UBP1: variants seen among roughly 807,000 people sequenced by gnomAD.
The protein encoded by UBP1 is upstream-binding protein 1.
A neutral mutation model predicts 76.1 loss-of-function variants in UBP1; 22 were observed. The ratio of observed to expected loss-of-function variants is 0.29; its 90% CI spans 0.21 to 0.41. The LOEUF (loss-of-function observed/expected upper bound fraction) is 0.41. UBP1 is among the 10% of genes least tolerant of loss of function. The pLI is 1.00. For missense variants in UBP1, 436 were observed against 668.1 expected (o/e 0.65, Z 3.83); for synonymous variants, 224 against 237.1 (o/e 0.94, Z 0.51).
At chr3:33,422,358 T>C (rs748980435) in intron 2 of UBP1, among the ~76,000 whole-genome samples, 1 of 151,502 alleles carries the variant, frequency 6.6e-6, no homozygotes, top group Non-Finnish European at 1.5e-5. Flanking sequence ...CTGGGCAACA[T>C]AGCAAGATCC....
intron 1 of UBP1, among the ~76,000 whole-genome samples, chr3:33,436,500 TAACA>T (rs1398542224): frequency 1.3e-5 from 2 of 152,242 alleles, no homozygotes; most frequent in South Asian, 2.1e-4. Context: ...CAGCGAAGTT[TAACA>T]AACAGGGCTC....
chr3:33,392,373 G>C (rs2043803690), intron 15 of UBP1, 190 bp downstream of exon 15: 1 of 521,940 alleles, frequency 1.9e-6, no homozygotes, highest in Admixed American at 4.0e-5. Context: ...CAGTCATCTA[G>C]AAAGACTGAC....
chr3:33,425,749 G>A lies in UBP1; in HGVS notation c.114-8C>T. 2 of 1,566,464 alleles carry A rather than the reference G, an allele frequency of 1.3e-6. No individual in the cohort carries two copies. The highest frequency in any genetic ancestry group is 1.3e-5 in the African/African-American group (1 of 74,222). On this transcript the variant is annotated splice_polypyrimidine_tract_variant and splice_region_variant and intron_variant, in intron 1 of 15. Transcript: ENST00000283629. ...GGCAATGCCAAGACATCACTGAAAA[G>A]CAAAAAATCAACACTGACCTTACTT...
rs533736077 is a variant in UBP1 at position 33,439,762 on chromosome 3, T to C, written c.87A>G (p.Glu29=). The C allele has an allele frequency of 1.2e-6, 2 of 1,612,386 alleles. No homozygotes were observed. The highest frequency in any genetic ancestry group is 1.7e-5 in the Admixed American group (1 of 59,946). ...TCATGCTGTAAGCGCCGGCGCCCAGTTCCTGCCCGATGCCCGAGAGGCTGG... is the reference window on the plus strand; with the variant it reads ...TCATGCTGTAAGCGCCGGCGCCCAGCTCCTGCCCGATGCCCGAGAGGCTGG... ...FDASLSGIGQ[E]LGAGAYSMSD... Residue 29 remains glutamate (E), a synonymous_variant, in exon 1 of 16, where the codon GAA becomes GAG. Transcript: ENST00000283629.
chr3:33,418,781 C>A (rs2044799833), intron 2 of UBP1, among the ~76,000 whole-genome samples: 1 of 149,640 alleles, frequency 6.7e-6, no homozygotes, highest in Non-Finnish European at 1.5e-5. Flanking sequence ...ATCGCTTGAA[C>A]CTGGGAGGCG....
chr3:33,397,271 A>G (rs2044037811), intron 11 of UBP1, 136 bp from the exon 12 acceptor site: 3 of 579,034 alleles, frequency 5.2e-6, no homozygotes, highest in Non-Finnish European at 8.6e-6. Flanking sequence ...CATGAACAAT[A>G]TAAGAAGACA....
At chr3:33,400,128 A>G (rs1187726380) in intron 11 of UBP1, 61 bp downstream of exon 11, 218 of 1,152,682 alleles carry the variant, frequency 1.9e-4, no homozygotes, top group Admixed American at 3.0e-5. Context: ...TAAAGTTAAT[A>G]AAAGCACAGA....
intron 2 of UBP1, among the ~76,000 whole-genome samples, chr3:33,420,501 T>TTC: frequency 6.6e-6 from 1 of 150,602 alleles, no homozygotes; most frequent in Admixed American, 6.6e-5. Context: ...TTTTTTTTTT[T>TTC]TTTTTGGAGA....
At chr3:33,416,538 A>G (rs1296583781) in intron 3 of UBP1, among the ~76,000 whole-genome samples, 2 of 152,196 alleles carry the variant, frequency 1.3e-5, no homozygotes, top group Non-Finnish European at 2.9e-5. Flanking sequence ...CATAACTACA[A>G]CTAACTTTTC....
rs575265966 is a variant in UBP1, at chr3:33,392,574, G to C, written c.1574C>G (p.Ser525Cys). 2.5e-6 allele frequency: 4 copies of C among 1,610,818 alleles called. No individual in the cohort carries two copies. The South Asian group carries it at 4.4e-5, about 18-fold the overall frequency. Residue 525 changes from serine to cysteine, a missense_variant, in exon 15 of 16, where the codon TCC becomes TGC. Physicochemically the swap from Ser to Cys is moderately radical, Grantham distance 112. This residue lies in a region of UBP1 where 210 missense variants were observed against 272.8 expected (regional missense o/e 0.77). Coordinates refer to ENST00000283629, the MANE Select transcript of UBP1 (RefSeq NM_014517.5). Reference sequence around the variant, plus strand: ...CACATGCAAAGTACCTTTTACTGTGGAGAATAAAAAACAACTCTCATCTTG... The same window carrying C: ...CACATGCAAAGTACCTTTTACTGTGCAGAATAAAAAACAACTCTCATCTTG... ...NFQDESCFLF[S>C]TVKAESSDGI...
intron 1 of UBP1, among the ~76,000 whole-genome samples, chr3:33,438,392 A>C (rs1431653552): frequency 1.3e-5 from 2 of 152,224 alleles, no homozygotes; most frequent in Non-Finnish European, 2.9e-5. Context: ...GTAGAGAGCT[A>C]AGGAGCAGAA....
At chr3:33,404,884 T>C (rs1022112694) in intron 8 of UBP1, among the ~76,000 whole-genome samples, 2 of 152,216 alleles carry the variant, frequency 1.3e-5, no homozygotes, top group African/African-American at 4.8e-5. Context: ...ATTGCTCATA[T>C]GTATAAAATT....
intron 1 of UBP1, among the ~76,000 whole-genome samples, chr3:33,431,733 C>G (rs190987616): frequency 6.9e-6 from 1 of 144,762 alleles, no homozygotes; most frequent in Non-Finnish European, 1.5e-5. Context: ...GAGTGAGACT[C>G]CGTCTCAAAG....
intron 1 of UBP1, among the ~76,000 whole-genome samples, chr3:33,434,055 T>C (rs1407516290): frequency 1.3e-5 from 2 of 152,148 alleles, no homozygotes; most frequent in African/African-American, 4.8e-5. Context: ...AATGCCACTA[T>C]GATGAAACAT....
rs760377423 is a variant in UBP1, at chr3:33,412,871, G to A, written c.343-44C>T. 1.9e-5 allele frequency: 25 copies of A among 1,296,172 alleles called. No individual in the cohort carries two copies. In the Middle Eastern group the frequency reaches 7.4e-4, roughly 38 times the overall value. The allele number at this position is 1,296,172 out of a possible 1,614,324, so 80.3% of individuals were successfully genotyped here. A position where few individuals can be genotyped will look rare whatever the true frequency, so the allele number is the denominator to read the frequency against. ...AAATGAGTACTTTTAAACTGCTCCA[G>A]CTAAAATGCAGGACCATTTCTACTT... On this transcript the variant is annotated intron_variant, in intron 3 of 15. Coordinates refer to ENST00000283629, the MANE Select transcript of UBP1 (RefSeq NM_014517.5).
intron 1 of UBP1, among the ~76,000 whole-genome samples, chr3:33,433,817 G>C (rs1053868951): frequency 6.6e-6 from 1 of 151,982 alleles, no homozygotes; most frequent in South Asian, 2.1e-4. Flanking sequence ...GGAGTTTGTG[G>C]CAGGAGAATC....
intron 1 of UBP1, among the ~76,000 whole-genome samples, chr3:33,427,588 CAG>C (rs1350472874): frequency 1.3e-5 from 2 of 152,156 alleles, no homozygotes; most frequent in African/African-American, 2.4e-5. Flanking sequence ...AATTCAAAAA[CAG>C]AATGTGAAAA....
chr3:33,432,986 AC>A (rs2045138099), intron 1 of UBP1, among the ~76,000 whole-genome samples: 1 of 152,192 alleles, frequency 6.6e-6, no homozygotes, highest in African/African-American at 2.4e-5. Flanking sequence ...AACTATGAAT[AC>A]ATGAATGAGT....
At chr3:33,411,795 CTG>C in intron 4 of UBP1, 108 bp from the exon 5 acceptor site, 1 of 868,480 alleles carries the variant, frequency 1.2e-6, no homozygotes. Flanking sequence ...GCTTTGAACT[CTG>C]TCTTTCAATG....
Sources: allele counts gnomAD v4.1 joint callset (sites outside exome capture counted in the v4.1 genomes callset), GRCh38; gene constraint gnomAD v4.1.1; regional missense constraint gnomAD v4.1.1; transcripts MANE v1.5; gene names NCBI Gene and HGNC (gene_info 2026-07-23, HGNC 2026-07-21).